Variants in ASMTL observed in about 807,000 individuals in gnomAD.
ASMTL encodes the protein probable bifunctional dTTP/UTP pyrophosphatase/methyltransferase protein.
In ASMTL, 57 loss-of-function variants were observed where a neutral mutation model predicts 60.3. That is an observed-to-expected ratio of 0.95 (90% confidence interval 0.76 to 1.18). ASMTL has a LOEUF of 1.18. Among genes scored for constraint, ASMTL ranks in the 50% most tolerant of loss-of-function variants. The pLI, the probability that ASMTL is intolerant of heterozygous loss-of-function variation, is 0.00. For synonymous variants in ASMTL, 419 were observed against 373.0 expected (o/e 1.12, Z -1.42); for missense variants, 981 against 852.6 (o/e 1.15, Z -1.88).
At chrX:1,432,619 G>A (rs1364665175) in intron 5 of ASMTL, among the ~76,000 whole-genome samples, 1 of 152,020 alleles carries the variant, frequency 6.6e-6, no homozygotes, top group East Asian at 1.9e-4. Context: ...CACGAGGTCA[G>A]GAGTTCGAGA....
At position 1,403,473 on chromosome X, in the gene ASMTL, C is replaced by G; in HGVS notation, c.1662G>C (p.Leu554=). Residue 554 remains leucine, a synonymous_variant, in exon 13 of 13, where the codon CTG becomes CTC. Transcript: ENST00000381317. ...TCTCCTCATCCAGGAGCGTCTCCAC[C>G]AGCAGCAGGCCGGCCCCTGAGGGAG... ...ESCKPGAGLL[L]VETLLDEEKR... 1 of 1,613,014 alleles carries G rather than the reference C, an allele frequency of 6.2e-7. No individual in the cohort carries two copies. Among genetic ancestry groups the G allele is most frequent in the Non-Finnish European group, 8.5e-7 (1 of 1,179,846 alleles).
In ASMTL at chrX:1,439,126, C is replaced by T. The variant is rs749599167; in HGVS notation, c.244G>A (p.Asp82Asn). 5.6e-6 allele frequency: 9 copies of T among 1,613,896 alleles called. No homozygotes were observed. Among genetic ancestry groups the T allele is most frequent in the East Asian group, 2.2e-5 (1 of 44,900 alleles). The change falls in exon 3 of 13, where the codon GAC (aspartate) becomes AAC (asparagine). Residue 82 changes from aspartate (D) to asparagine (N), a missense_variant. By Grantham distance (23) the Asp-to-Asn change is conservative. Transcript: ENST00000381317. Reference sequence around the variant, plus strand: ...ATCGTGTCCGCTCCAATGACCACGTCGGGGGCCCGCAGGTCTTTCTGTAAG... The same window carrying T: ...ATCGTGTCCGCTCCAATGACCACGTTGGGGGCCCGCAGGTCTTTCTGTAAG... ...RLYQKDLRAP[D>N]VVIGADTIVT...
At chrX:1,438,225 G>C (rs1469305314) in intron 3 of ASMTL, among the ~76,000 whole-genome samples, 1 of 151,814 alleles carries the variant, frequency 6.6e-6, no homozygotes, top group Non-Finnish European at 1.5e-5. Flanking sequence ...GGAGGTCCCG[G>C]TGAGCCGAGA....
In ASMTL at chrX:1,412,747, C is replaced by G. The variant is rs773705709; in HGVS notation, c.1630G>C (p.Glu544Gln). The G allele has an allele frequency of 6.2e-7, 1 of 1,613,866 alleles. No individual in the cohort carries two copies. Among genetic ancestry groups the G allele is most frequent in the African/African-American group, 1.3e-5 (1 of 74,920 alleles). The change falls in exon 12 of 13, where the codon GAG becomes CAG. Residue 544 changes from glutamate (E) to glutamine (Q), a missense_variant. Physicochemically the swap from Glu to Gln is conservative, Grantham distance 29 (BLOSUM62 2). Transcript: ENST00000381317. ...GGGCTCTCACCTGGCTTGCAGCTCT[C>G]GGCGACCCTGCTGAGTAACTTGTGG... is the stretch of plus-strand genomic sequence containing the variant. ...KVHKLLSRVAESCKPGAGLLL... is the reference protein window; with the variant it reads ...KVHKLLSRVAQSCKPGAGLLL...
chrX:1,407,691 C>A (rs1226656264), intron 12 of ASMTL, among the ~76,000 whole-genome samples: 2 of 151,600 alleles, frequency 1.3e-5, no homozygotes, highest in African/African-American at 2.4e-5. Flanking sequence ...TGAAACCAAC[C>A]TGAGCAACAT....
intron 1 of ASMTL, 65 bp from the exon 2 acceptor site, chrX:1,442,382 G>C: frequency 6.3e-7 from 1 of 1,581,596 alleles, no homozygotes; most frequent in Non-Finnish European, 8.7e-7. Flanking sequence ...AATGGGACAT[G>C]CAAGATTTGC....
intron 5 of ASMTL, among the ~76,000 whole-genome samples, chrX:1,434,794 CAAA>C (rs35102054): frequency 2.2e-4 from 26 of 117,516 alleles, no homozygotes; most frequent in East Asian, 5.2e-4. Context: ...GACTCCATCT[CAAA>C]AAAAAAAAAA....
intron 5 of ASMTL, among the ~76,000 whole-genome samples, chrX:1,433,159 C>T (rs1485756243): frequency 6.6e-6 from 1 of 151,988 alleles, no homozygotes; most frequent in Non-Finnish European, 1.5e-5. Context: ...GGACACAGAG[C>T]CCCTGAATCC....
At chrX:1,441,183 G>A (rs2091097906) in intron 2 of ASMTL, among the ~76,000 whole-genome samples, 1 of 152,080 alleles carries the variant, frequency 6.6e-6, no homozygotes, top group South Asian at 2.1e-4. Context: ...TATATTAATT[G>A]CAAGAGAATA....
At chrX:1,410,860 A>G (rs749316897) in intron 12 of ASMTL, among the ~76,000 whole-genome samples, 2 of 151,918 alleles carry the variant, frequency 1.3e-5, no homozygotes, top group East Asian at 3.9e-4. Context: ...ACTGCACACC[A>G]GCCTGGGCAG....
intron 1 of ASMTL, among the ~76,000 whole-genome samples, chrX:1,443,582 CACACCGCCATCTTGGACAG>C (rs1569534777): frequency 5.3e-5 from 8 of 150,408 alleles, no homozygotes; most frequent in Admixed American, 6.6e-5. Flanking sequence ...ATCATGGACA[CACACCGCCATCTTGGACAG>C]ACACCGCCAT....
chrX:1,403,398 C>T lies in ASMTL; in HGVS notation c.1737G>A (p.Gln579=). 6.2e-7 allele frequency: 1 copy of T among 1,613,502 alleles called. No homozygotes were observed. Among genetic ancestry groups the T allele is most frequent in the African/African-American group, 1.3e-5 (1 of 75,072 alleles). The part of the protein sequence containing the change: ...ALMQSLNMLV[Q]TEGKERSLGE... ...CCAGGCTCCGCTCCTTGCCTTCAGT[C>T]TGCACCAGCATGTTCAGTGACTGCA... is the stretch of plus-strand genomic sequence containing the variant. The change falls in exon 13 of 13, where the codon CAG becomes CAA. Residue 579 remains glutamine (Q), a synonymous_variant. Coordinates refer to ENST00000381317, the MANE Select transcript of ASMTL (RefSeq NM_004192.4).
intron 11 of ASMTL, 86 bp downstream of exon 11, chrX:1,417,886 CA>C (rs2090354057): frequency 2.0e-6 from 3 of 1,499,294 alleles, no homozygotes; most frequent in Non-Finnish European, 2.7e-6. Flanking sequence ...GGCAGAAACA[CA>C]GGTGCACACA....
intron 5 of ASMTL, among the ~76,000 whole-genome samples, chrX:1,433,501 T>TAAAA (rs35959333): frequency 9.1e-5 from 9 of 99,136 alleles, no homozygotes; most frequent in African/African-American, 3.2e-4. Context: ...CCGTCTCTAC[T>TAAAA]AAAAAAAAAA....
chrX:1,432,394 G>T lies in ASMTL; in HGVS notation c.401-17C>A. 5.0e-6 allele frequency: 8 copies of T among 1,602,592 alleles called. No individual in the cohort carries two copies. Among genetic ancestry groups the T allele is most frequent in the Non-Finnish European group, 6.8e-6 (8 of 1,171,932 alleles). ...GCTGATGGTCTGCAAGGACACAGCC[G>T]TGGGGGTGAGCGTGGACGCCAGCTT... On this transcript the variant is annotated splice_polypyrimidine_tract_variant and intron_variant, in intron 5 of 12. Transcript: ENST00000381317.
intron 2 of ASMTL, chrX:1,441,822 CAT>C (rs1211824314): frequency 2.4e-5 from 5 of 211,734 alleles, no homozygotes; most frequent in African/African-American, 9.2e-5. Flanking sequence ...TATTATAACA[CAT>C]AGTAATAGAT....
At chrX:1,439,206 C>G in intron 2 of ASMTL, 62 bp from the exon 3 acceptor site, 1 of 1,574,174 alleles carries the variant, frequency 6.4e-7, no homozygotes, top group Non-Finnish European at 8.7e-7. Context: ...GAGAAGTTTT[C>G]CCGTCGGTAC....
rs192437994 is a variant in ASMTL at position 1,420,685 on chromosome X, G to A, written c.1245+973C>T. On this transcript the variant is annotated intron_variant, in intron 9 of 12. Transcript: ENST00000381317. The stretch of plus-strand genomic sequence containing the variant: ...GGGCGGGGAAAGGGGAAGGAGGGGC[G>A]AGAGGATGCAGGGAGCGCTTTGCAA... Among the ~76,000 whole-genome samples the A allele has an allele frequency of 9.9e-3, 1,501 of 152,350 alleles. 13 individuals carry two copies. The highest frequency in any genetic ancestry group is 0.016 in the Non-Finnish European group (1,108 of 68,034).
intron 2 of ASMTL, among the ~76,000 whole-genome samples, chrX:1,439,848 GA>G (rs1374787673): frequency 0.015 from 1,832 of 126,038 alleles, 36 homozygotes; most frequent in African/African-American, 0.05. Context: ...AAAAAAAAAA[GA>G]AAAAAAAAAA....
Sources: allele counts gnomAD v4.1 joint callset (sites outside exome capture counted in the v4.1 genomes callset), GRCh38; gene constraint gnomAD v4.1.1; transcripts MANE v1.5; gene names NCBI Gene and HGNC (gene_info 2026-07-23, HGNC 2026-07-21).